EXOC4: variants seen among roughly 807,000 people sequenced by gnomAD.
The protein encoded by EXOC4 is SEC8-like 1.
EXOC4 carries 71 observed loss-of-function variants against 107.2 expected under a neutral mutation model. The ratio of observed to expected loss-of-function variants is 0.66; its 90% CI spans 0.55 to 0.81. The LOEUF (loss-of-function observed/expected upper bound fraction) is 0.81, where lower values mean the gene tolerates loss of function less well. Among genes scored for constraint, EXOC4 ranks in the 30% least tolerant of loss-of-function variants. EXOC4 has a pLI of 0.00. For synonymous variants in EXOC4, 456 were observed against 441.2 expected (o/e 1.03, Z -0.42); for missense variants, 1,108 against 1,189.6 (o/e 0.93, Z 1.01).
intron 10 of EXOC4, among the ~76,000 whole-genome samples, chr7:133,728,172 A>T (rs1795254819): frequency 6.6e-6 from 1 of 152,212 alleles, no homozygotes; most frequent in Admixed American, 6.5e-5. Flanking sequence ...TTAAAATCTT[A>T]TGTTAGAAAT....
At chr7:133,934,641 G>T (rs1439990285) in intron 13 of EXOC4, among the ~76,000 whole-genome samples, 1 of 152,064 alleles carries the variant, frequency 6.6e-6, no homozygotes, top group Non-Finnish European at 1.5e-5. Flanking sequence ...CACCTAATAT[G>T]CATAAAAATG....
At chr7:133,755,302 TTA>T (rs1380780415) in intron 10 of EXOC4, among the ~76,000 whole-genome samples, 38 of 119,170 alleles carry the variant, frequency 3.2e-4, no homozygotes, top group African/African-American at 7.9e-4. Flanking sequence ...ATTATATATA[TTA>T]TATATATATT....
At chr7:134,024,040 C>T (rs963180983) in intron 17 of EXOC4, among the ~76,000 whole-genome samples, 1 of 152,150 alleles carries the variant, frequency 6.6e-6, no homozygotes, top group African/African-American at 2.4e-5. Flanking sequence ...AAGGCTGGAC[C>T]ACACCTTACA....
intron 10 of EXOC4, among the ~76,000 whole-genome samples, chr7:133,766,783 G>A (rs1331122246): frequency 6.6e-6 from 1 of 151,910 alleles, no homozygotes; most frequent in Non-Finnish European, 1.5e-5. Context: ...TTGTTTAAAA[G>A]TCAAATTGCC....
In EXOC4 at chr7:133,288,185, T is replaced by C. The variant is rs557141850; in HGVS notation, c.277-737T>C. 1.3e-4 allele frequency among the ~76,000 whole-genome samples: 20 copies of C among 152,206 alleles called. No individual in the cohort carries two copies. In the East Asian group the frequency reaches 1.9e-3, roughly 15 times the overall value. On this transcript the variant is annotated intron_variant, in intron 2 of 17. Coordinates refer to ENST00000253861, the MANE Select transcript of EXOC4 (RefSeq NM_021807.4). ...TTTTCCATGTTGAAAAAATGGAAAA[T>C]TTTCAATTAGGGGAGCAAATAAAAA...
chr7:133,697,046 G>T (rs572192463), intron 10 of EXOC4, among the ~76,000 whole-genome samples: 1 of 152,280 alleles, frequency 6.6e-6, no homozygotes, highest in African/African-American at 2.4e-5. Flanking sequence ...CTTTGAAAGA[G>T]GCTCTTTACT....
At chr7:133,256,012 C>G (rs1176718439) in intron 1 of EXOC4, among the ~76,000 whole-genome samples, 2 of 149,438 alleles carry the variant, frequency 1.3e-5, no homozygotes, top group Non-Finnish European at 3.0e-5. Context: ...CCTGGAGTCT[C>G]TCTCTGTCGC....
At chr7:133,557,064 G>T (rs1800704865) in intron 9 of EXOC4, among the ~76,000 whole-genome samples, 1 of 152,168 alleles carries the variant, frequency 6.6e-6, no homozygotes, top group Admixed American at 6.5e-5. Flanking sequence ...CAGCATCATT[G>T]TGGTCACTGA....
At chr7:133,774,967 A>G (rs1222468168) in intron 10 of EXOC4, among the ~76,000 whole-genome samples, 8 of 151,906 alleles carry the variant, frequency 5.3e-5, no homozygotes, top group African/African-American at 9.7e-5. Context: ...ACGAAAGTCT[A>G]TTCTCTCTAG....
chr7:133,311,769 A>G (rs1048181684), intron 4 of EXOC4, among the ~76,000 whole-genome samples: 8 of 152,246 alleles, frequency 5.3e-5, no homozygotes, highest in African/African-American at 9.6e-5. Flanking sequence ...AAGCATGCAG[A>G]TATTTGTAAG....
intron 17 of EXOC4, among the ~76,000 whole-genome samples, chr7:134,063,487 G>A (rs1282438448): frequency 2.6e-5 from 4 of 152,170 alleles, no homozygotes; most frequent in Non-Finnish European, 2.9e-5. Context: ...TGTGATGTGG[G>A]CAAGCCCTCT....
intron 11 of EXOC4, among the ~76,000 whole-genome samples, chr7:133,853,209 TA>T (rs1462985984): frequency 6.6e-6 from 1 of 152,160 alleles, no homozygotes; most frequent in Non-Finnish European, 1.5e-5. Flanking sequence ...GCTTATTCAC[TA>T]GATGGAATAC....
chr7:133,970,306 T>A (rs1427110800), intron 14 of EXOC4, among the ~76,000 whole-genome samples: 1 of 151,790 alleles, frequency 6.6e-6, no homozygotes, highest in Admixed American at 6.6e-5. Flanking sequence ...TCCGCTGAGC[T>A]AGACCACTTG....
chr7:134,091,798 A>G, the EXOC4 span, among the ~76,000 whole-genome samples: 2 of 152,190 alleles, frequency 1.3e-5, no homozygotes, highest in Non-Finnish European at 2.9e-5. Context: ...AGCAAGCATT[A>G]TACAGGGGCC....
At chr7:133,293,305 T>C (rs1465564408) in intron 3 of EXOC4, among the ~76,000 whole-genome samples, 1 of 152,202 alleles carries the variant, frequency 6.6e-6, no homozygotes, top group Non-Finnish European at 1.5e-5. Flanking sequence ...GCTCTTTCAT[T>C]GGACTTCACA....
chr7:133,768,310 T>C (rs1254957700), intron 10 of EXOC4: 2 of 151,962 alleles, frequency 1.3e-5, no homozygotes, highest in African/African-American at 4.8e-5. Flanking sequence ...ATTTTTTTAA[T>C]TAAGAAAAAG....
intron 9 of EXOC4, among the ~76,000 whole-genome samples, chr7:133,608,546 C>CTTTTTTTTT (rs1161155238): frequency 1.8e-4 from 15 of 84,990 alleles, no homozygotes; most frequent in East Asian, 7.5e-4. Context: ...TGCTGTATTT[C>CTTTTTTTTT]TTTTTTTTTT....
intron 9 of EXOC4, among the ~76,000 whole-genome samples, chr7:133,498,906 G>A (rs966423088): frequency 1.3e-5 from 2 of 152,054 alleles, no homozygotes; most frequent in Non-Finnish European, 2.9e-5. Context: ...CTCCTTGCAT[G>A]CTGCTGTCTA....
chr7:133,552,386 G>T (rs756638274), intron 9 of EXOC4, among the ~76,000 whole-genome samples: 33 of 152,154 alleles, frequency 2.2e-4, no homozygotes, highest in Non-Finnish European at 4.0e-4. Context: ...TGTTACTGCT[G>T]TCACGCAAAA....
Sources: gnomAD v4.1 joint callset for allele counts (sites outside exome capture counted in the v4.1 genomes callset) on GRCh38, gnomAD v4.1.1 for gene constraint, MANE v1.5 for transcripts, NCBI Gene and HGNC (gene_info 2026-07-23, HGNC 2026-07-21) for gene names.